Variants in SUDS3 observed in about 807,000 individuals in gnomAD.
SUDS3 encodes the protein sin3 histone deacetylase corepressor complex component SDS3.
SUDS3 carries 23 observed loss-of-function variants against 53.5 expected under a neutral mutation model. The observed-to-expected ratio is 0.43, with a 90% CI of 0.31 to 0.61. SUDS3 has a LOEUF of 0.61. SUDS3 is among the 20% of genes least tolerant of loss of function. The probability of loss-of-function intolerance (pLI) is 0.10; values close to 1 mark genes in which losing one functional copy is unlikely to be tolerated. For synonymous variants in SUDS3, 150 were observed against 148.5 expected, an observed-to-expected ratio of 1.01 and a Z score of -0.08; for missense variants, 291 against 405.9, an observed-to-expected ratio of 0.72 and a Z score of 2.43.
chr12:118,392,203 G>C (rs2046173778), intron 6 of SUDS3, among the ~76,000 whole-genome samples: 1 of 152,200 alleles, frequency 6.6e-6, no homozygotes, highest in African/African-American at 2.4e-5. Context: ...AAGTGCTGGG[G>C]CTCTGGTGTG....
At chr12:118,395,012 AT>A (rs1481918391) in intron 6 of SUDS3, among the ~76,000 whole-genome samples, 1 of 151,920 alleles carries the variant, frequency 6.6e-6, no homozygotes, top group Non-Finnish European at 1.5e-5. Flanking sequence ...ACCCTAAGAT[AT>A]ATGTGGTTGT....
chr12:118,400,318 C>T (rs932326224), intron 6 of SUDS3, among the ~76,000 whole-genome samples: 1 of 152,084 alleles, frequency 6.6e-6, no homozygotes, highest in African/African-American at 2.4e-5. Flanking sequence ...TCCTTCCTAT[C>T]CCGAGAGCCT....
chr12:118,413,109 A>G (rs189643706), intron 11 of SUDS3, among the ~76,000 whole-genome samples: 2 of 152,342 alleles, frequency 1.3e-5, no homozygotes, highest in Admixed American at 1.3e-4. Flanking sequence ...GCTTAGCTTC[A>G]TGTGAGGTCT....
Position 118,409,595 on chromosome 12 carries a change from G to A in SUDS3, c.804-1478G>A, listed in dbSNP as rs79320806. Among the ~76,000 whole-genome samples the A allele has an allele frequency of 8.5e-3, 1,296 of 152,346 alleles. 9 individuals carry two copies. Among genetic ancestry groups the A allele is most frequent in the Non-Finnish European group, 0.014 (982 of 68,034 alleles). On this transcript the variant is annotated intron_variant, in intron 10 of 11. Coordinates refer to ENST00000543473, the MANE Select transcript of SUDS3 (RefSeq NM_022491.3). ...GTGAAGTGCATCCTTTACTTGCCAT[G>A]TCTTGGCAATAGGTTATTTCCTTAT...
At chr12:118,389,888 C>T (rs1286312153) in intron 4 of SUDS3, 39 bp from the exon 5 acceptor site, 3 of 1,613,766 alleles carry the variant, frequency 1.9e-6, no homozygotes, top group South Asian at 1.1e-5. Flanking sequence ...AAAGGTGGCA[C>T]AGCCTAGCAA....
chr12:118,397,430 A>G (rs771138419), intron 6 of SUDS3, among the ~76,000 whole-genome samples: 9 of 152,158 alleles, frequency 5.9e-5, no homozygotes, highest in Non-Finnish European at 1.2e-4. Flanking sequence ...CCATCCTTCT[A>G]TGAAAAATCC....
At chr12:118,412,712 A>G (rs1265528460) in intron 11 of SUDS3, among the ~76,000 whole-genome samples, 4 of 152,172 alleles carry the variant, frequency 2.6e-5, no homozygotes, top group East Asian at 3.8e-4. Flanking sequence ...ATTCTCCTCT[A>G]TGATACCTCA....
chr12:118,384,193 A>G, intron 3 of SUDS3, 126 bp downstream of exon 3: 3 of 931,954 alleles, frequency 3.2e-6, no homozygotes, highest in Non-Finnish European at 3.3e-6. Context: ...TTAGCTATCC[A>G]GTACATTTTG....
chr12:118,382,344 G>GGCCACTTTTTTTTGAGACAGTA (rs11271071), intron 2 of SUDS3, among the ~76,000 whole-genome samples: 1 of 151,518 alleles, frequency 6.6e-6, no homozygotes, highest in South Asian at 2.1e-4. Context: ...CATCGTGCCA[G>GGCCACTTTTTTTTGAGACAGTA]GCCACTTTTT....
rs1438807286 is a variant in SUDS3, at chr12:118,411,057, G to T, written c.804-16G>T. 2 of 1,594,880 alleles carry T rather than the reference G, an allele frequency of 1.3e-6. No individual in the cohort carries two copies. The highest frequency in any genetic ancestry group is 1.7e-6 in the Non-Finnish European group (2 of 1,170,200). ...TGTCCCTCCCTTTTTAAAAATGTGT[G>T]CCTTGTTTTTGTCAGGTACCACAAG... On this transcript the variant is annotated splice_polypyrimidine_tract_variant and intron_variant, in intron 10 of 11. Coordinates refer to ENST00000543473, the MANE Select transcript of SUDS3 (RefSeq NM_022491.3).
In SUDS3 at chr12:118,378,482, CT is replaced by C. The variant is rs199742125; in HGVS notation, c.143-1663del. ...CATTTTATTGGATATTGTAAGTAAT[CT>C]TTTTTTTTTTTTTTTTAAGATGGGG... On this transcript the variant is annotated intron_variant, in intron 1 of 11. Transcript: ENST00000543473. 6.9e-3 allele frequency among the ~76,000 whole-genome samples: 950 copies of C among 136,898 alleles called. 3 individuals carry two copies. Among genetic ancestry groups the C allele is most frequent in the African/African-American group, 0.01 (389 of 37,240 alleles). The allele number at this position is 136,898 out of a possible 152,430, so 89.8% of individuals were successfully genotyped here. A position where few individuals can be genotyped will look rare whatever the true frequency, so the allele number is the denominator to read the frequency against.
intron 6 of SUDS3, among the ~76,000 whole-genome samples, chr12:118,400,093 CT>C (rs1312625819): frequency 2.6e-5 from 4 of 151,684 alleles, no homozygotes; most frequent in African/African-American, 9.7e-5. Context: ...GGGAAAGAGG[CT>C]TTTATTGTGA....
intron 11 of SUDS3, 38 bp downstream of exon 11, chr12:118,411,195 T>G (rs762475509): frequency 3.5e-5 from 54 of 1,546,452 alleles, no homozygotes; most frequent in Non-Finnish European, 4.7e-5. Flanking sequence ...GGAAGCAAAA[T>G]GTGTACTGCG....
At chr12:118,412,096 G>A (rs904985751) in intron 11 of SUDS3, among the ~76,000 whole-genome samples, 3 of 152,154 alleles carry the variant, frequency 2.0e-5, no homozygotes, top group Non-Finnish European at 1.5e-5. Context: ...TGGTCTCCTC[G>A]AGACACTCCT....
intron 2 of SUDS3, among the ~76,000 whole-genome samples, chr12:118,382,230 T>C (rs144117335): frequency 6.6e-6 from 1 of 152,202 alleles, no homozygotes; most frequent in Non-Finnish European, 1.5e-5. Context: ...GTATTTTTAG[T>C]AGAGACGGGG....
intron 2 of SUDS3, among the ~76,000 whole-genome samples, chr12:118,380,591 A>G (rs1409747170): frequency 6.6e-6 from 1 of 152,240 alleles, no homozygotes; most frequent in South Asian, 2.1e-4. Flanking sequence ...AATTAATTAC[A>G]TTTAATCAGT....
rs2046387259 is a variant in SUDS3 at position 118,414,909 on chromosome 12, C to T, written c.*476C>T. ...TGTCGCGTCCAATTCACTATTTGCC[C>T]AGAAGCTTGGGGCAGAGGTCCTAGC... On this transcript the variant is annotated 3_prime_UTR_variant, in exon 12 of 12. Coordinates refer to ENST00000543473, the MANE Select transcript of SUDS3 (RefSeq NM_022491.3). The T allele has an allele frequency of 2.0e-5, 3 of 152,376 alleles. No individual in the cohort carries two copies. The highest frequency in any genetic ancestry group is 7.2e-5 in the African/African-American group (3 of 41,424). 9.4% of individuals were successfully genotyped at this position (152,376 alleles called of 1,614,324 possible). A position where few individuals can be genotyped will look rare whatever the true frequency, so the allele number is the denominator to read the frequency against.
chr12:118,397,184 G>A (rs980627187), intron 6 of SUDS3, among the ~76,000 whole-genome samples: 1 of 152,160 alleles, frequency 6.6e-6, no homozygotes, highest in African/African-American at 2.4e-5. Flanking sequence ...GGTGCATGAT[G>A]TCGGAGAGGA....
chr12:118,401,871 T>C, intron 8 of SUDS3, 51 bp downstream of exon 8: 1 of 1,606,202 alleles, frequency 6.2e-7, no homozygotes. Context: ...TTTGTGGTTT[T>C]CTGATTTTGT....
Sources: allele counts gnomAD v4.1 joint callset (sites outside exome capture counted in the v4.1 genomes callset), GRCh38; gene constraint gnomAD v4.1.1; transcripts MANE v1.5; gene names NCBI Gene and HGNC (gene_info 2026-07-23, HGNC 2026-07-21).